EXOSC10: variants seen among roughly 807,000 people sequenced by gnomAD.
EXOSC10 encodes the protein exosome component 10.
EXOSC10 carries 94 observed loss-of-function variants against 126.6 expected under a neutral mutation model. That is an observed-to-expected ratio of 0.74 (90% confidence interval 0.63 to 0.88). The LOEUF is 0.88. Among genes scored for constraint, EXOSC10 ranks in the 40% least tolerant of loss-of-function variants. The pLI is 0.00. For synonymous variants in EXOSC10, 395 were observed against 400.8 expected, an observed-to-expected ratio of 0.99 and a Z score of 0.17; for missense variants, 1,041 against 1,100.5, an observed-to-expected ratio of 0.95 and a Z score of 0.77.
rs545822591 is a variant in EXOSC10, at chr1:11,097,434, A to C, written c.248+586T>G. Among the ~76,000 whole-genome samples, 41 of 152,012 alleles carry C rather than the reference A, an allele frequency of 2.7e-4. No individual in the cohort carries two copies. The South Asian group carries it at 5.8e-3, about 22-fold the overall frequency. Reference sequence around the variant, plus strand: ...GCTACTCTACAAGTTGTGGGAAAGAATCTTGGATCTGGCAAGGCGCGGTGG... The same window carrying C: ...GCTACTCTACAAGTTGTGGGAAAGACTCTTGGATCTGGCAAGGCGCGGTGG... On this transcript the variant is annotated intron_variant, in intron 2 of 24. Coordinates refer to ENST00000376936, the MANE Select transcript of EXOSC10 (RefSeq NM_001001998.3).
chr1:11,087,654 T>G (rs1333244604), intron 8 of EXOSC10, 63 bp from the exon 9 acceptor site: 3 of 1,580,028 alleles, frequency 1.9e-6, no homozygotes, highest in Non-Finnish European at 2.6e-6. Flanking sequence ...TTTCCTTTAC[T>G]GATTTTGAAA....
chr1:11,080,946 G>A, intron 11 of EXOSC10, 34 bp from the exon 12 acceptor site: 1 of 1,584,834 alleles, frequency 6.3e-7, no homozygotes. Flanking sequence ...AAAATCAACG[G>A]GAATCAAAAT....
At chr1:11,089,062 TA>T (rs1640651114) in intron 6 of EXOSC10, among the ~76,000 whole-genome samples, 1 of 151,282 alleles carries the variant, frequency 6.6e-6, no homozygotes, top group Admixed American at 6.6e-5. Flanking sequence ...TTTACAAAAA[TA>T]AAAACTAAAA....
At chr1:11,078,406 C>T (rs1029464597) in intron 14 of EXOSC10, among the ~76,000 whole-genome samples, 2 of 151,656 alleles carry the variant, frequency 1.3e-5, no homozygotes, top group Non-Finnish European at 2.9e-5. Flanking sequence ...TACAGGCGCC[C>T]GCCACTACGC....
At chr1:11,088,527 C>A (rs1435378427) in intron 6 of EXOSC10, among the ~76,000 whole-genome samples, 5 of 152,194 alleles carry the variant, frequency 3.3e-5, no homozygotes, top group Non-Finnish European at 7.3e-5. Flanking sequence ...GTCATTCTTG[C>A]AGTTTGAAAT....
intron 3 of EXOSC10, 137 bp from the exon 4 acceptor site, chr1:11,091,734 C>T: frequency 1.6e-6 from 1 of 610,914 alleles, no homozygotes; most frequent in Non-Finnish European, 2.9e-6. Flanking sequence ...TCTTGCCTCA[C>T]TGCAACTCTT....
Position 11,081,210 on chromosome 1 carries a change from C to A in EXOSC10, c.1309G>T (p.Ala437Ser), listed in dbSNP as rs759802571. The A allele has an allele frequency of 1.2e-6, 2 of 1,614,154 alleles. No homozygotes were observed. ...RPLPEEMLSYARDDTHYLLYI... is the reference protein window; with the variant it reads ...RPLPEEMLSYSRDDTHYLLYI... ...AGCAGGTAATGGGTGTCATCCCGGG[C>A]GTAGCTGAGCATCTCCTCGGGCAGA... The change falls in exon 11 of 25, where the codon GCC becomes TCC. Residue 437 changes from alanine to serine, a missense_variant. Physicochemically the swap from Ala to Ser is moderately conservative, Grantham distance 99. Coordinates refer to ENST00000376936, the MANE Select transcript of EXOSC10 (RefSeq NM_001001998.3).
intron 2 of EXOSC10, among the ~76,000 whole-genome samples, chr1:11,096,471 C>T (rs2105457): frequency 0.059 from 7,017 of 118,682 alleles, 368 homozygotes; most frequent in East Asian, 0.13. Context: ...TTCTTTCTTT[C>T]TTTTTTTTTT....
intron 9 of EXOSC10, among the ~76,000 whole-genome samples, chr1:11,084,340 TCTCA>T (rs1183320597): frequency 6.6e-6 from 1 of 152,256 alleles, no homozygotes; most frequent in Admixed American, 6.5e-5. Flanking sequence ...TGAGATGATA[TCTCA>T]CTGTGGTTTC....
Position 11,099,737 on chromosome 1 carries a change from G to A in EXOSC10, c.95C>T (p.Ala32Val). The change falls in exon 1 of 25, where the codon GCC (alanine) becomes GTC (valine). Residue 32 changes from alanine to valine, a missense_variant. This residue lies in a region of EXOSC10 where 645 missense variants were observed against 656.3 expected (regional missense o/e 0.98). Coordinates refer to ENST00000376936, the MANE Select transcript of EXOSC10 (RefSeq NM_001001998.3). ...CGAACTCACCTTCACAAAGCTGTCG[G>A]CGTCCGGGAAGCCTGGCAGCACCAT... ...GEMVLPGFPD[A>V]DSFVKFALGS... 6.2e-7 allele frequency: 1 copy of A among 1,609,738 alleles called. No homozygotes were observed. Among genetic ancestry groups the A allele is most frequent in the South Asian group, 1.1e-5 (1 of 90,794 alleles).
At chr1:11,099,331 C>T (rs2100252235) in intron 1 of EXOSC10, among the ~76,000 whole-genome samples, 1 of 152,272 alleles carries the variant, frequency 6.6e-6, no homozygotes, top group Admixed American at 6.5e-5. Context: ...CCATACTGGC[C>T]GCGGGAGGAG....
intron 10 of EXOSC10, among the ~76,000 whole-genome samples, chr1:11,081,928 C>G (rs2100983666): frequency 6.6e-6 from 1 of 151,944 alleles, no homozygotes; most frequent in South Asian, 2.1e-4. Context: ...ACTGGAAATA[C>G]AAAATTAGCT....
chr1:11,099,824 G>T lies in EXOSC10; in HGVS notation c.8C>A (p.Pro3Gln). ...GACCCTGGGCTCCCGGGTACTGGGT[G>T]GCGCCATTTTTTCAGCCTGCACGGC... MA[P>Q]PSTREPRVLS... Residue 3 changes from proline to glutamine, a missense_variant, in exon 1 of 25, where the codon CCA (proline) becomes CAA (glutamine). Transcript: ENST00000376936. The T allele has an allele frequency of 6.2e-7, 1 of 1,605,392 alleles. No homozygotes were observed. Among genetic ancestry groups the T allele is most frequent in the Non-Finnish European group, 8.5e-7 (1 of 1,175,424 alleles).
chr1:11,096,503 G>T (rs1641104012), intron 2 of EXOSC10, among the ~76,000 whole-genome samples: 1 of 140,074 alleles, frequency 7.1e-6, no homozygotes, highest in Non-Finnish European at 1.5e-5. Context: ...AAGAGACAGG[G>T]TCTTGCTCTG....
intron 16 of EXOSC10, 198 bp from the exon 17 acceptor site, chr1:11,077,146 C>T (rs1639863701): frequency 1.6e-6 from 1 of 621,724 alleles, no homozygotes; most frequent in African/African-American, 1.8e-5. Flanking sequence ...TGCCCACCAC[C>T]ATGCCAGCTA....
chr1:11,098,228 C>T (rs891885852), intron 1 of EXOSC10, 72 bp from the exon 2 acceptor site: 20 of 1,505,016 alleles, frequency 1.3e-5, no homozygotes, highest in African/African-American at 7.1e-5. Context: ...TTTTTTTGAT[C>T]TATCGTATAC....
rs912963923 is a variant in EXOSC10, at chr1:11,077,034, T to C, written c.1880-86A>G. 2.9e-5 allele frequency: 28 copies of C among 959,006 alleles called. No individual in the cohort carries two copies. The Admixed American group carries it at 5.3e-4, about 18-fold the overall frequency. The allele number at this position is 959,006 out of a possible 1,614,324, so 59.4% of individuals were successfully genotyped here. ...GAGATGGAGTTTTAGTGTAGTCCCC[T>C]AGGCTGGAGTACAATGGCACAATCT... On this transcript the variant is annotated intron_variant, in intron 16 of 24. Transcript: ENST00000376936.
In EXOSC10 at chr1:11,090,612, G is replaced by C. The variant is rs377239514; in HGVS notation, c.700C>G (p.Pro234Ala). The change falls in exon 6 of 25, where the codon CCC becomes GCC. Residue 234 changes from proline (P) to alanine (A), a missense_variant. Transcript: ENST00000376936. ...PQDRPEDLDV[P>A]PALADFIHQQ... ...TGGATGAAATCAGCCAGTGCAGGGGGGACGTCCAAGTCCTCAGGACGATCC... is the reference window on the plus strand; with the variant it reads ...TGGATGAAATCAGCCAGTGCAGGGGCGACGTCCAAGTCCTCAGGACGATCC... 1 of 1,613,886 alleles carries C rather than the reference G, an allele frequency of 6.2e-7. No homozygotes were observed. The highest frequency in any genetic ancestry group is 1.3e-5 in the African/African-American group (1 of 74,940).
chr1:11,091,856 A>C (rs931352696), intron 3 of EXOSC10, among the ~76,000 whole-genome samples: 22 of 151,952 alleles, frequency 1.4e-4, no homozygotes, highest in African/African-American at 5.1e-4. Context: ...ATACCTGGCT[A>C]ATTTTTTATT....
Sources: allele counts gnomAD v4.1 joint callset (sites outside exome capture counted in the v4.1 genomes callset), GRCh38; gene constraint gnomAD v4.1.1; regional missense constraint gnomAD v4.1.1; transcripts MANE v1.5; gene names NCBI Gene and HGNC (gene_info 2026-07-23, HGNC 2026-07-21).